The following SLC26A7 variants were observed in gnomAD, a reference collection of about 807,000 sequenced individuals.
The protein encoded by SLC26A7 is solute carrier family 26 member 7.
Under a neutral mutation model 82.5 loss-of-function variants are expected in SLC26A7, and 59 were observed. The observed-to-expected ratio is 0.72, with a 90% CI of 0.58 to 0.89. SLC26A7 has a LOEUF of 0.89. Ranked by LOEUF, SLC26A7 falls within the 40% of genes least tolerant of loss-of-function variation. The probability of loss-of-function intolerance (pLI) is 0.00; values close to 1 mark genes in which losing one functional copy is unlikely to be tolerated. For missense variants in SLC26A7, 820 were observed against 793.0 expected, an observed-to-expected ratio of 1.03 and a Z score of -0.41; for synonymous variants, 271 against 274.3, an observed-to-expected ratio of 0.99 and a Z score of 0.12.
intron 2 of SLC26A7, among the ~76,000 whole-genome samples, chr8:91,258,997 T>G (rs1471558300): frequency 6.6e-6 from 1 of 152,084 alleles, no homozygotes; most frequent in African/African-American, 2.4e-5. Flanking sequence ...CTTCACATGA[T>G]CTCCTTGGCC....
chr8:91,340,344 C>A (rs1256609319), intron 7 of SLC26A7, 60 bp from the exon 8 acceptor site: 4 of 1,574,878 alleles, frequency 2.5e-6, no homozygotes, highest in Non-Finnish European at 3.5e-6. Flanking sequence ...AAATTCATTG[C>A]AAGTTGTTAC....
intron 4 of SLC26A7, among the ~76,000 whole-genome samples, chr8:91,317,696 T>C (rs1749510547): frequency 1.3e-5 from 2 of 152,230 alleles, no homozygotes; most frequent in South Asian, 4.1e-4. Context: ...GCCTACTGGG[T>C]ATAAAGTAGT....
chr8:91,245,430 C>T (rs980312259), upstream of SLC26A7, among the ~76,000 whole-genome samples: 16 of 152,178 alleles, frequency 1.1e-4, no homozygotes, highest in African/African-American at 2.2e-4. Context: ...ATACAAATTA[C>T]GCAATTGTGT....
chr8:91,382,393 T>G (rs1372749455), intron 15 of SLC26A7, among the ~76,000 whole-genome samples: 1 of 152,186 alleles, frequency 6.6e-6, no homozygotes, highest in African/African-American at 2.4e-5. Flanking sequence ...AACATCTAAC[T>G]TAATCATTTC....
intron 2 of SLC26A7, among the ~76,000 whole-genome samples, chr8:91,242,134 G>A (rs1810483232): frequency 6.6e-6 from 1 of 152,024 alleles, no homozygotes; most frequent in African/African-American, 2.4e-5. Context: ...CTTCCAGGTG[G>A]GAACTCTCTA....
At chr8:91,345,813 T>A (rs1813546590) in intron 9 of SLC26A7, among the ~76,000 whole-genome samples, 1 of 152,220 alleles carries the variant, frequency 6.6e-6, no homozygotes, top group Non-Finnish European at 1.5e-5. Context: ...TTCTAATTGC[T>A]ATTTTCGTAA....
At position 91,289,182 on chromosome 8, in the gene SLC26A7, A is replaced by G; in HGVS notation, c.240A>G (p.Leu80=). Residue 80 remains leucine (L), a synonymous_variant, in exon 3 of 19, where the codon TTA becomes TTG. Coordinates refer to ENST00000276609, the MANE Select transcript of SLC26A7 (RefSeq NM_052832.4). ...CATCTGTGCACCCAGTGTTTGGTTT[A>G]TATGGGTCTCTGTTTCCTGCCATAA... is the stretch of plus-strand genomic sequence containing the variant. ...VLSSVHPVFG[L]YGSLFPAIIY... is the part of the protein sequence containing the mutation. 1.9e-6 allele frequency: 3 copies of G among 1,614,112 alleles called. No individual in the cohort carries two copies. Among genetic ancestry groups the G allele is most frequent in the Non-Finnish European group, 2.5e-6 (3 of 1,179,976 alleles).
chr8:91,395,217 A>T lies in SLC26A7; in HGVS notation c.*120A>T. On this transcript the variant is annotated 3_prime_UTR_variant, in exon 19 of 19. Transcript: ENST00000276609. ...ACAGATGACCTCTGCTACAATAAGT[A>T]CGATGTGACTTAGTAACTGCATAGC... is the stretch of plus-strand genomic sequence containing the variant. 1 of 1,528,120 alleles carries T rather than the reference A, an allele frequency of 6.5e-7. No individual in the cohort carries two copies. The highest frequency in any genetic ancestry group is 1.3e-5 in the South Asian group (1 of 76,724). The allele number at this position is 1,528,120 out of a possible 1,614,324, so 94.7% of individuals were successfully genotyped here. A position where few individuals can be genotyped will look rare whatever the true frequency, so the allele number is the denominator to read the frequency against.
At chr8:91,238,906 T>G (rs1225769189) in intron 2 of SLC26A7, among the ~76,000 whole-genome samples, 1 of 152,170 alleles carries the variant, frequency 6.6e-6, no homozygotes, top group Non-Finnish European at 1.5e-5. Context: ...TACCAGTTAG[T>G]AGAGAGACCA....
chr8:91,343,945 C>A, intron 9 of SLC26A7: 1 of 678,714 alleles, frequency 1.5e-6, no homozygotes, highest in Non-Finnish European at 1.8e-6. Flanking sequence ...TTTTTAGGAA[C>A]TCAAATCAAT....
At chr8:91,298,877 A>G (rs1047808187) in intron 4 of SLC26A7, among the ~76,000 whole-genome samples, 2 of 152,190 alleles carry the variant, frequency 1.3e-5, no homozygotes, top group African/African-American at 4.8e-5. Flanking sequence ...ATTCAAAACA[A>G]AAACAAATGT....
At chr8:91,293,034 CAG>C (rs1563664308) in intron 3 of SLC26A7, among the ~76,000 whole-genome samples, 1 of 152,046 alleles carries the variant, frequency 6.6e-6, no homozygotes, top group Non-Finnish European at 1.5e-5. Context: ...GGACTTGAGA[CAG>C]TGTTTTTTTA....
intron 2 of SLC26A7, among the ~76,000 whole-genome samples, chr8:91,233,675 T>C (rs1237699506): frequency 6.6e-6 from 1 of 152,126 alleles, no homozygotes; most frequent in East Asian, 1.9e-4. Context: ...TCTTGAAAGC[T>C]GAAAAGGTAA....
intron 1 of SLC26A7, among the ~76,000 whole-genome samples, chr8:91,218,692 G>T (rs1019600650): frequency 1.3e-5 from 2 of 152,092 alleles, no homozygotes; most frequent in Non-Finnish European, 2.9e-5. Flanking sequence ...TTTGGATTTT[G>T]TTTAGCATTT....
chr8:91,295,636 T>C lies in SLC26A7; in HGVS notation c.410T>C (p.Leu137Ser), dbSNP rs775351792. The C allele has an allele frequency of 1.2e-6, 2 of 1,614,154 alleles. No individual in the cohort carries two copies. The highest frequency in any genetic ancestry group is 1.1e-5 in the South Asian group (1 of 91,072). ...TTQSNTSVLG[L>S]SDFEMQRIHV... ...CAGAGTAACACAAGCGTGCTGGGCT[T>C]ATCCGACTTTGAAATGCAAAGGATC... The change falls in exon 4 of 19, where the codon TTA (leucine) becomes TCA (serine). Residue 137 changes from leucine (L) to serine (S), a missense_variant. Coordinates refer to ENST00000276609, the MANE Select transcript of SLC26A7 (RefSeq NM_052832.4).
chr8:91,389,260 C>A (rs1473376550), intron 15 of SLC26A7, 78 bp from the exon 16 acceptor site: 2 of 938,844 alleles, frequency 2.1e-6, no homozygotes, highest in East Asian at 2.4e-5. Flanking sequence ...GCCACTGTTA[C>A]CCTCCCACCA....
At chr8:91,252,099 G>C (rs1402150202) in intron 2 of SLC26A7, among the ~76,000 whole-genome samples, 4 of 152,056 alleles carry the variant, frequency 2.6e-5, no homozygotes, top group Admixed American at 2.6e-4. Context: ...TTTTGTTCTT[G>C]CATCATAACG....
chr8:91,295,611 C>T lies in SLC26A7; in HGVS notation c.385C>T (p.Gln129Ter), dbSNP rs1258062243. 3.1e-6 allele frequency: 5 copies of T among 1,614,018 alleles called. No homozygotes were observed. Among genetic ancestry groups the T allele is most frequent in the Non-Finnish European group, 3.4e-6 (4 of 1,179,998 alleles). The part of the protein sequence containing the change: ...VPQNMQNLTT[Q>*]SNTSVLGLSD... ...TCAGAACATGCAGAATCTCACCACA[C>T]AGAGTAACACAAGCGTGCTGGGCTT... is the stretch of plus-strand genomic sequence containing the variant. The change falls in exon 4 of 19, where the codon CAG becomes TAG. Residue 129 changes from glutamine to a stop codon, truncating the protein, a stop_gained. Coordinates refer to ENST00000276609, the MANE Select transcript of SLC26A7 (RefSeq NM_052832.4). LOFTEE classifies it high-confidence loss of function.
chr8:91,232,232 A>G (rs2130675187), intron 2 of SLC26A7, among the ~76,000 whole-genome samples: 1 of 152,302 alleles, frequency 6.6e-6, no homozygotes, highest in South Asian at 2.1e-4. Flanking sequence ...TTTCTAATCA[A>G]ATACATTTAT....
Sources: allele counts gnomAD v4.1 joint callset (sites outside exome capture counted in the v4.1 genomes callset), GRCh38; gene constraint gnomAD v4.1.1; transcripts MANE v1.5; gene names NCBI Gene and HGNC (gene_info 2026-07-23, HGNC 2026-07-21).